The following B3GALT1 variants were observed in gnomAD, a reference collection of about 807,000 sequenced individuals.
B3GALT1 encodes the protein beta-1,3-galactosyltransferase 1.
B3GALT1 carries 10 observed loss-of-function variants against 23.2 expected under a neutral mutation model. The ratio of observed to expected loss-of-function variants is 0.43; its 90% CI spans 0.27 to 0.73. The LOEUF (loss-of-function observed/expected upper bound fraction) is 0.73. B3GALT1 is among the 30% of genes least tolerant of loss of function. The pLI is 0.21. For missense variants in B3GALT1, 299 were observed against 405.4 expected (o/e 0.74, Z 2.25); for synonymous variants, 156 against 141.5 (o/e 1.10, Z -0.73).
intron 1 of B3GALT1, among the ~76,000 whole-genome samples, chr2:167,367,775 T>G (rs1178404062): frequency 1.3e-5 from 2 of 152,206 alleles, no homozygotes; most frequent in African/African-American, 4.8e-5. Flanking sequence ...TCTTCTCCCC[T>G]GAGCAAGACT....
At chr2:167,577,317 T>C (rs1425582852) in intron 2 of B3GALT1, among the ~76,000 whole-genome samples, 3 of 151,882 alleles carry the variant, frequency 2.0e-5, no homozygotes, top group Non-Finnish European at 4.4e-5. Context: ...TGAAACCAAA[T>C]GACTGGAATT....
intron 2 of B3GALT1, among the ~76,000 whole-genome samples, chr2:167,512,623 T>G (rs1430597250): frequency 2.0e-5 from 1 of 49,644 alleles, no homozygotes; most frequent in Admixed American, 2.2e-4. Flanking sequence ...TATATATACG[T>G]GTATATATAT....
chr2:167,522,242 G>A (rs907431927), intron 2 of B3GALT1, among the ~76,000 whole-genome samples: 1 of 151,808 alleles, frequency 6.6e-6, no homozygotes, highest in South Asian at 2.1e-4. Context: ...TGGAGGCTGC[G>A]TTTGAAAATT....
At chr2:167,809,792 C>T (rs368052491) in intron 3 of B3GALT1, among the ~76,000 whole-genome samples, 1 of 151,986 alleles carries the variant, frequency 6.6e-6, no homozygotes, top group African/African-American at 2.4e-5. Flanking sequence ...GCTGGGAGAA[C>T]CACTACTCTC....
At chr2:167,843,361 G>C (rs1223327696) in intron 4 of B3GALT1, among the ~76,000 whole-genome samples, 1 of 152,158 alleles carries the variant, frequency 6.6e-6, no homozygotes, top group South Asian at 2.1e-4. Flanking sequence ...AATCCAGCCT[G>C]TCAGACTCCA....
intron 2 of B3GALT1, among the ~76,000 whole-genome samples, chr2:167,618,581 A>T (rs901218204): frequency 1.3e-5 from 2 of 152,014 alleles, no homozygotes; most frequent in African/African-American, 2.4e-5. Flanking sequence ...TCTTACTCAA[A>T]TTTCATTAAT....
At chr2:167,771,279 A>G (rs1688068325) in intron 3 of B3GALT1, among the ~76,000 whole-genome samples, 1 of 152,194 alleles carries the variant, frequency 6.6e-6, no homozygotes, top group Admixed American at 6.5e-5. Context: ...TCCAAATCCT[A>G]GATATGTGTG....
intron 2 of B3GALT1, among the ~76,000 whole-genome samples, chr2:167,512,580 G>GTATATATATACGTA (rs1700030216): frequency 4.3e-5 from 2 of 47,042 alleles, no homozygotes; most frequent in African/African-American, 1.7e-4. Context: ...ATATATATAT[G>GTATATATATACGTA]TATATATATA....
chr2:167,562,891 C>T (rs1684038674), intron 2 of B3GALT1, among the ~76,000 whole-genome samples: 1 of 152,044 alleles, frequency 6.6e-6, no homozygotes, highest in Non-Finnish European at 1.5e-5. Context: ...TTTAACAAAG[C>T]ACATCTTGCA....
intron 1 of B3GALT1, among the ~76,000 whole-genome samples, chr2:167,294,708 G>A (rs1696321476): frequency 6.6e-6 from 1 of 152,230 alleles, no homozygotes; most frequent in African/African-American, 2.4e-5. Context: ...AGCAGGGAAT[G>A]GAGGTGGAAC....
At chr2:167,370,323 A>G (rs1187033670) in intron 1 of B3GALT1, among the ~76,000 whole-genome samples, 2 of 152,220 alleles carry the variant, frequency 1.3e-5, no homozygotes, top group African/African-American at 4.8e-5. Flanking sequence ...GCAGGGGCAT[A>G]TATAACACCT....
intron 2 of B3GALT1, among the ~76,000 whole-genome samples, chr2:167,613,394 A>G (rs1685104230): frequency 6.6e-6 from 1 of 151,618 alleles, no homozygotes; most frequent in Non-Finnish European, 1.5e-5. Flanking sequence ...AAAGCTATTC[A>G]TGGTATGTAT....
chr2:167,784,745 T>A (rs1339851438), intron 3 of B3GALT1, among the ~76,000 whole-genome samples: 1 of 152,180 alleles, frequency 6.6e-6, no homozygotes, highest in Non-Finnish European at 1.5e-5. Context: ...AACAATGCTG[T>A]ATTAAAAAGG....
intron 1 of B3GALT1, among the ~76,000 whole-genome samples, chr2:167,357,586 G>A (rs1697436587): frequency 6.6e-6 from 1 of 152,054 alleles, no homozygotes; most frequent in South Asian, 2.1e-4. Flanking sequence ...CTACAACTTT[G>A]TGTCAAAAAG....
chr2:167,449,844 A>T (rs898425731), intron 1 of B3GALT1, among the ~76,000 whole-genome samples: 1 of 152,130 alleles, frequency 6.6e-6, no homozygotes, highest in African/African-American at 2.4e-5. Context: ...GTGTCTATTG[A>T]GATAATCATG....
intron 1 of B3GALT1, among the ~76,000 whole-genome samples, chr2:167,340,101 G>A (rs933043036): frequency 4.6e-5 from 7 of 152,144 alleles, no homozygotes; most frequent in Non-Finnish European, 8.8e-5. Context: ...TGTATGCACT[G>A]TTCAATAAAT....
At chr2:167,775,104 A>C (rs1356303404) in intron 3 of B3GALT1, among the ~76,000 whole-genome samples, 1 of 152,214 alleles carries the variant, frequency 6.6e-6, no homozygotes, top group African/African-American at 2.4e-5. Context: ...ACTCTATAAG[A>C]AGGAAGATAA....
chr2:167,315,928 A>G (rs1696709362), intron 1 of B3GALT1, among the ~76,000 whole-genome samples: 1 of 152,224 alleles, frequency 6.6e-6, no homozygotes, highest in Non-Finnish European at 1.5e-5. Context: ...ACCTATTAAT[A>G]AAATGCAGAT....
chr2:167,855,872 T>C (rs867272564), intron 4 of B3GALT1, among the ~76,000 whole-genome samples: 29 of 152,278 alleles, frequency 1.9e-4, no homozygotes, highest in Middle Eastern at 3.4e-3. Context: ...TGGAATTTCT[T>C]AGAAAACTCA....
Sources: allele counts gnomAD v4.1 joint callset (sites outside exome capture counted in the v4.1 genomes callset), GRCh38; gene constraint gnomAD v4.1.1; transcripts MANE v1.5; gene names NCBI Gene and HGNC (gene_info 2026-07-23, HGNC 2026-07-21).